Variants in CCND3 observed in about 807,000 individuals in gnomAD.
CCND3 encodes G1/S-specific cyclin-D3.
A neutral mutation model predicts 28.7 loss-of-function variants in CCND3; 9 were observed. That is an observed-to-expected ratio of 0.31 (90% CI 0.19 to 0.55). The LOEUF (loss-of-function observed/expected upper bound fraction) is 0.55, where lower values mean the gene tolerates loss of function less well. CCND3 is among the 20% of genes least tolerant of loss of function. CCND3 has a pLI of 0.93. For missense variants in CCND3, 315 were observed against 385.8 expected, an observed-to-expected ratio of 0.82 and a Z score of 1.54; for synonymous variants, 164 against 163.9, an observed-to-expected ratio of 1.00 and a Z score of 0.00.
chr6:42,046,130 T>C (rs9369326), intron 1 of CCND3, among the ~76,000 whole-genome samples: 54,467 of 152,098 alleles, frequency 0.36, 10,447 homozygotes, highest in Non-Finnish European at 0.43. Context: ...ATGCACGAAG[T>C]GCTTTGACTG....
In CCND3 at chr6:41,941,327, GC is replaced by G; in HGVS notation, c.198+124del. Reference sequence around the variant, plus strand: ...CGTGGGTGCCCTAGTGAAAGGCCAGGCCCCGGGAGTCTTAGCCTCGGAGCAT... The same window carrying G: ...CGTGGGTGCCCTAGTGAAAGGCCAGGCCCGGGAGTCTTAGCCTCGGAGCAT... On this transcript the variant is annotated intron_variant, in intron 1 of 4. Coordinates refer to ENST00000372991, the MANE Select transcript of CCND3 (RefSeq NM_001760.5). This position sits in a 1 kb window ranked among gnomAD's most constrained non-coding sequence, Gnocchi z 6.1. The G allele has an allele frequency of 1.3e-6, 2 of 1,491,700 alleles. No individual in the cohort carries two copies. Among genetic ancestry groups the G allele is most frequent in the Non-Finnish European group, 1.8e-6 (2 of 1,123,560 alleles). The allele number at this position is 1,491,700 out of a possible 1,614,324, so 92.4% of individuals were successfully genotyped here.
intron 1 of CCND3, among the ~76,000 whole-genome samples, chr6:41,965,617 G>A (rs1299486028): frequency 2.0e-5 from 3 of 152,086 alleles, no homozygotes; most frequent in Admixed American, 6.6e-5. Context: ...GTGGAGAAAC[G>A]GAAGGAAACA....
Position 41,941,051 on chromosome 6 carries a change from A to G in CCND3, c.198+401T>C. The G allele has an allele frequency of 6.3e-7, 1 of 1,595,174 alleles. No individual in the cohort carries two copies. The highest frequency in any genetic ancestry group is 1.3e-5 in the African/African-American group (1 of 74,530). ...CGCCACCCCCATCGCCTTCCCCGCC[A>G]GAACCCCGCGAAAGACACAGGAACC... On this transcript the variant is annotated intron_variant, in intron 1 of 4. Transcript: ENST00000372991. This position sits in a 1 kb window ranked among gnomAD's most constrained non-coding sequence, Gnocchi z 6.1.
chr6:41,974,906 C>A (rs546642099), intron 1 of CCND3, among the ~76,000 whole-genome samples: 20 of 150,258 alleles, frequency 1.3e-4, no homozygotes, highest in Admixed American at 2.7e-4. Flanking sequence ...GATTCTCCTG[C>A]CTCAGCCTCC....
At chr6:41,978,101 G>A (rs190156007) in intron 1 of CCND3, among the ~76,000 whole-genome samples, 116 of 151,980 alleles carry the variant, frequency 7.6e-4, no homozygotes, top group African/African-American at 2.6e-3. Context: ...TTGACAGGGC[G>A]TGGTGGCTCA....
intron 1 of CCND3, among the ~76,000 whole-genome samples, chr6:41,976,012 C>G (rs1025522117): frequency 6.6e-6 from 1 of 151,936 alleles, no homozygotes; most frequent in African/African-American, 2.4e-5. Context: ...AAGACCAAGC[C>G]TGGGCAACAT....
chr6:41,953,645 T>C (rs1776369449), intron 1 of CCND3, among the ~76,000 whole-genome samples: 1 of 152,020 alleles, frequency 6.6e-6, no homozygotes, highest in Non-Finnish European at 1.5e-5. Context: ...CCAGGTTTTG[T>C]TGAGCTATCC....
intron 1 of CCND3, among the ~76,000 whole-genome samples, chr6:41,987,442 G>A (rs2127414558): frequency 6.7e-6 from 1 of 149,818 alleles, no homozygotes; most frequent in Non-Finnish European, 1.5e-5. Flanking sequence ...TAAAAGCTTT[G>A]CCTTCTGTAA....
At chr6:42,027,150 C>T (rs1258115877) in intron 1 of CCND3, among the ~76,000 whole-genome samples, 1 of 152,130 alleles carries the variant, frequency 6.6e-6, no homozygotes, top group African/African-American at 2.4e-5. Flanking sequence ...GTGGTTAAGA[C>T]ACCACTAGGC....
chr6:42,015,142 G>T (rs2127429976), intron 1 of CCND3, among the ~76,000 whole-genome samples: 1 of 152,274 alleles, frequency 6.6e-6, no homozygotes, highest in Admixed American at 6.5e-5. Flanking sequence ...GAGGTTAAAA[G>T]AACTTGCTCA....
chr6:42,028,925 C>T (rs772933121), intron 1 of CCND3, among the ~76,000 whole-genome samples: 1 of 151,532 alleles, frequency 6.6e-6, no homozygotes, highest in Non-Finnish European at 1.5e-5. Flanking sequence ...ATGCTCAGGA[C>T]GGGTCCCAAA....
chr6:41,939,520 G>A lies in CCND3; in HGVS notation c.414+850C>T, dbSNP rs1373058306. Among the ~76,000 whole-genome samples, 1 of 152,176 alleles carries A rather than the reference G, an allele frequency of 6.6e-6. No homozygotes were observed. The highest frequency in any genetic ancestry group is 1.5e-5 in the Non-Finnish European group (1 of 68,026). ...AACCGGTGACTTTCCTGCCCGGCCT[G>A]AGCCCAGCCCAAGTTTCCAGCAAGA... On this transcript the variant is annotated intron_variant, in intron 2 of 4. Coordinates refer to ENST00000372991, the MANE Select transcript of CCND3 (RefSeq NM_001760.5). This position sits in a 1 kb window ranked among gnomAD's most constrained non-coding sequence, Gnocchi z 4.2.
intron 1 of CCND3, among the ~76,000 whole-genome samples, chr6:42,043,719 C>T (rs1466354358): frequency 6.6e-6 from 1 of 152,178 alleles, no homozygotes; most frequent in African/African-American, 2.4e-5. Context: ...GGTGTCCTTG[C>T]TCATTCTGGG....
Position 41,988,922 on chromosome 6 carries a change from A to G in CCND3, c.-45-48337T>C, listed in dbSNP as rs576862171. ...CACTGTGTTAGCCAGGATGGTCTCG[A>G]TCTCCTGACCTCATGATCCGCCCGC... On this transcript the variant is annotated intron_variant, in intron 1 of 4. Transcript: ENST00000372988. Among the ~76,000 whole-genome samples the G allele has an allele frequency of 5.2e-4, 78 of 149,512 alleles. 1 individual carries two copies. Among genetic ancestry groups the G allele is most frequent in the Admixed American group, 8.1e-4 (12 of 14,904 alleles).
At chr6:41,949,484 G>A (rs75580691) in intron 1 of CCND3, among the ~76,000 whole-genome samples, 1,897 of 151,836 alleles carry the variant, frequency 0.012, 40 homozygotes, top group African/African-American at 0.043. Flanking sequence ...CAGCCCGGGG[G>A]ACAGAATGAA....
chr6:41,968,007 TTA>T (rs1344052291), intron 1 of CCND3, among the ~76,000 whole-genome samples: 2 of 152,236 alleles, frequency 1.3e-5, no homozygotes, highest in Non-Finnish European at 2.9e-5. Context: ...GGGAGTTTAA[TTA>T]TTAGTCTTTT....
chr6:42,012,296 CT>C (rs1341885229), intron 1 of CCND3, among the ~76,000 whole-genome samples: 2 of 145,666 alleles, frequency 1.4e-5, no homozygotes, highest in Non-Finnish European at 3.0e-5. Context: ...ATCCCAGCTA[CT>C]TGGGAGGCTG....
At chr6:41,940,683 A>G in intron 1 of CCND3, 98 bp from the exon 2 acceptor site, 1 of 879,032 alleles carries the variant, frequency 1.1e-6, no homozygotes, top group Admixed American at 1.9e-5. Context: ...GGGAGCAAAA[A>G]CGGCAGAGAG....
At chr6:41,969,627 T>A (rs1180211708) in intron 1 of CCND3, among the ~76,000 whole-genome samples, 1 of 152,078 alleles carries the variant, frequency 6.6e-6, no homozygotes, top group Non-Finnish European at 1.5e-5. Context: ...TCCCAGTTAC[T>A]AGGGAGACTG....
Sources: allele counts gnomAD v4.1 joint callset (sites outside exome capture counted in the v4.1 genomes callset), GRCh38; gene constraint gnomAD v4.1.1; non-coding constraint Gnocchi (gnomAD v3.1); transcripts MANE v1.5; gene names NCBI Gene and HGNC (gene_info 2026-07-23, HGNC 2026-07-21).